Variants in MRC2 observed in about 807,000 individuals in gnomAD.
The protein encoded by MRC2 is mannose receptor C-type 2.
A neutral mutation model predicts 206.2 loss-of-function variants in MRC2; 84 were observed. That is an observed-to-expected ratio of 0.41 (90% confidence interval 0.34 to 0.49). The LOEUF is 0.49. Ranked by LOEUF, MRC2 falls within the 20% of genes least tolerant of loss-of-function variation. The pLI, the probability that MRC2 is intolerant of heterozygous loss-of-function variation, is 0.31. For synonymous variants in MRC2, 798 were observed against 800.0 expected (o/e 1.00, Z 0.04); for missense variants, 1,676 against 2,001.5 (o/e 0.84, Z 3.10).
intron 1 of MRC2, among the ~76,000 whole-genome samples, chr17:62,628,259 C>T (rs1297267796): frequency 2.0e-5 from 3 of 152,194 alleles, no homozygotes; most frequent in African/African-American, 7.2e-5. Flanking sequence ...GGCGCCGGCC[C>T]GTCCTCGGCA....
chr17:62,651,149 T>C (rs150786656), intron 1 of MRC2, among the ~76,000 whole-genome samples: 2 of 152,068 alleles, frequency 1.3e-5, no homozygotes, highest in Non-Finnish European at 2.9e-5. Context: ...AGTAGTGCGA[T>C]CTCGGCTCAC....
chr17:62,664,728 G>A lies in MRC2; in HGVS notation c.299G>A (p.Gly100Asp). 1 of 1,614,006 alleles carries A rather than the reference G, an allele frequency of 6.2e-7. No individual in the cohort carries two copies. Among genetic ancestry groups the A allele is most frequent in the Non-Finnish European group, 8.5e-7 (1 of 1,180,032 alleles). Residue 100 changes from glycine (G) to aspartate (D), a missense_variant, in exon 2 of 30, where the codon GGC (glycine) becomes GAC (aspartate). Physicochemically the swap from Gly to Asp is moderately conservative, Grantham distance 94. Around this residue, in one of 3 missense-constraint regions of MRC2, gnomAD observed 318 missense variants for 346.7 expected, o/e 0.92. Transcript: ENST00000303375. The surrounding 1 kb of genome is among the most constrained non-coding windows in gnomAD (Gnocchi z 4.7). ...CAGTGCCTGGGCACAGGCTGGCCAG[G>A]CACCAACACCACGGCCTCCCTGGGC... ...TMQCLGTGWP[G>D]TNTTASLGMY...
At chr17:62,650,466 G>A (rs1300369040) in intron 1 of MRC2, among the ~76,000 whole-genome samples, 1 of 152,220 alleles carries the variant, frequency 6.6e-6, no homozygotes, top group Non-Finnish European at 1.5e-5. Flanking sequence ...CACACATCCT[G>A]AAGCCAAACA....
rs573635775 is a variant in MRC2 at position 62,675,469 on chromosome 17, T to C, written c.1570-321T>C. Among the ~76,000 whole-genome samples, 5 of 152,302 alleles carry C rather than the reference T, an allele frequency of 3.3e-5. No individual in the cohort carries two copies. The East Asian group carries it at 9.7e-4, about 29-fold the overall frequency. ...AGCCAACAGTAATTTCCCCACTGTG[T>C]CTCTTGGTTTAAATGCCCAAGAGAG... On this transcript the variant is annotated intron_variant, in intron 9 of 29. Coordinates refer to ENST00000303375, the MANE Select transcript of MRC2 (RefSeq NM_006039.5). This position sits in a 1 kb window ranked among gnomAD's most constrained non-coding sequence, Gnocchi z 4.1.
chr17:62,677,350 G>T lies in MRC2; in HGVS notation c.1916G>T (p.Arg639Leu). 6.2e-7 allele frequency: 1 copy of T among 1,609,168 alleles called. No individual in the cohort carries two copies. Among genetic ancestry groups the T allele is most frequent in the Non-Finnish European group, 8.5e-7 (1 of 1,178,476 alleles). Residue 639 changes from arginine to leucine, a missense_variant, in exon 12 of 30, where the codon CGG becomes CTG. Arg to Leu is a moderately radical substitution (Grantham distance 102). Coordinates refer to ENST00000303375, the MANE Select transcript of MRC2 (RefSeq NM_006039.5). ...GAGGTGAAGAACTGTACCTCGTTCC[G>T]GGCCCGCTACATCTGCCGGCAGAGC... Reference protein sequence around the residue: ...LWEVKNCTSFRARYICRQSLG... With the variant: ...LWEVKNCTSFLARYICRQSLG...
At position 62,675,763 on chromosome 17, in the gene MRC2, C is replaced by A. The variant is rs998665257; in HGVS notation, c.1570-27C>A. On this transcript the variant is annotated intron_variant, in intron 9 of 29. Transcript: ENST00000303375. This position sits in a 1 kb window ranked among gnomAD's most constrained non-coding sequence, Gnocchi z 4.1. ...TGGAGAGTCATCTTCCCTACAGACA[C>A]CCCTCTTCTGTCCACTCTTGAGCCA... The A allele has an allele frequency of 1.9e-6, 3 of 1,566,038 alleles. No homozygotes were observed. Among genetic ancestry groups the A allele is most frequent in the Non-Finnish European group, 1.8e-6 (2 of 1,136,484 alleles).
chr17:62,684,014 G>T (rs2089003276), intron 20 of MRC2: 1 of 152,170 alleles, frequency 6.6e-6, no homozygotes, highest in East Asian at 1.9e-4. Context: ...ATTTTGCGTA[G>T]TTCATGAAAG....
rs771603495 is a variant in MRC2, at chr17:62,666,257, C to T, written c.684C>T (p.Cys228=). 1 of 1,579,124 alleles carries T rather than the reference C, an allele frequency of 6.3e-7. No individual in the cohort carries two copies. Among genetic ancestry groups the T allele is most frequent in the East Asian group, 2.3e-5 (1 of 44,430 alleles). The change falls in exon 3 of 30, where the codon TGC becomes TGT. Residue 228 remains cysteine, a synonymous_variant. Transcript: ENST00000303375. This position sits in a 1 kb window ranked among gnomAD's most constrained non-coding sequence, Gnocchi z 5.0. ...DYGKDERWGF[C]PIKSNDCETF... Reference sequence around the variant, plus strand: ...GCAAAGACGAGCGCTGGGGCTTCTGCCCCATCAAGAGTGAGAGCTGTTGGA... The same window carrying T: ...GCAAAGACGAGCGCTGGGGCTTCTGTCCCATCAAGAGTGAGAGCTGTTGGA...
intron 1 of MRC2, among the ~76,000 whole-genome samples, chr17:62,634,656 C>T (rs922994298): frequency 6.6e-6 from 1 of 151,862 alleles, no homozygotes; most frequent in African/African-American, 2.4e-5. Context: ...TTCTATACTG[C>T]GTGCTGTTTT....
chr17:62,683,569 A>G (rs1171326109), intron 20 of MRC2, among the ~76,000 whole-genome samples: 4 of 148,598 alleles, frequency 2.7e-5, no homozygotes, highest in Non-Finnish European at 4.5e-5. Flanking sequence ...TGCTCACTCA[A>G]AAGTGATTAA....
At chr17:62,668,635 T>C (rs2088787939) in intron 6 of MRC2, among the ~76,000 whole-genome samples, 1 of 152,148 alleles carries the variant, frequency 6.6e-6, no homozygotes, top group Non-Finnish European at 1.5e-5. Flanking sequence ...TTAAAGGGCA[T>C]GGTGAAGAAG....
At chr17:62,634,196 G>A (rs1216752996) in intron 1 of MRC2, among the ~76,000 whole-genome samples, 1 of 152,088 alleles carries the variant, frequency 6.6e-6, no homozygotes, top group Non-Finnish European at 1.5e-5. Flanking sequence ...ATTTCTTGAC[G>A]TTGCCATGAC....
At chr17:62,679,677 A>T (rs1460857932) in intron 13 of MRC2, 123 bp from the exon 14 acceptor site, 18 of 787,122 alleles carry the variant, frequency 2.3e-5, no homozygotes, top group Non-Finnish European at 3.7e-5. Flanking sequence ...TGAAGCCCAG[A>T]TGGAGAGGCC....
chr17:62,642,270 A>G (rs536007426), intron 1 of MRC2, among the ~76,000 whole-genome samples: 1 of 152,268 alleles, frequency 6.6e-6, no homozygotes, highest in East Asian at 1.9e-4. Context: ...AACGTCCCAC[A>G]GTCTAAATTT....
intron 1 of MRC2, among the ~76,000 whole-genome samples, chr17:62,645,983 T>A (rs2088478993): frequency 6.6e-6 from 1 of 151,518 alleles, no homozygotes; most frequent in Admixed American, 6.6e-5. Context: ...CCATAACTTA[T>A]CCCCTATTGG....
In MRC2 at chr17:62,678,650, C is replaced by G; in HGVS notation, c.2195+4C>G. On this transcript the variant is annotated splice_donor_region_variant and intron_variant, in intron 13 of 29. Coordinates refer to ENST00000303375, the MANE Select transcript of MRC2 (RefSeq NM_006039.5). Reference sequence around the variant, plus strand: ...ACATGCTCAACAAGATCTTCGGGTACTGAGCCGGGCTGAGGCGTGTTAGGA... The same window carrying G: ...ACATGCTCAACAAGATCTTCGGGTAGTGAGCCGGGCTGAGGCGTGTTAGGA... 1 of 1,609,572 alleles carries G rather than the reference C, an allele frequency of 6.2e-7. No homozygotes were observed. Among genetic ancestry groups the G allele is most frequent in the Non-Finnish European group, 8.5e-7 (1 of 1,178,240 alleles).
Position 62,666,978 on chromosome 17 carries a change from G to A in MRC2, c.973+108G>A, listed in dbSNP as rs1016184594. 1.2e-6 allele frequency: 1 copy of A among 858,364 alleles called. No homozygotes were observed. Among genetic ancestry groups the A allele is most frequent in the African/African-American group, 1.7e-5 (1 of 60,038 alleles). 53.2% of individuals were successfully genotyped at this position (858,364 alleles called of 1,614,324 possible). A position where few individuals can be genotyped will look rare whatever the true frequency, so the allele number is the denominator to read the frequency against. ...TCCTGCAGAGGGGCAGTGTGGGTAGGGGAAGCACCGACCTCCACCCCCCTC... is the reference window on the plus strand; with the variant it reads ...TCCTGCAGAGGGGCAGTGTGGGTAGAGGAAGCACCGACCTCCACCCCCCTC... On this transcript the variant is annotated intron_variant, in intron 5 of 29. Transcript: ENST00000303375. This position sits in a 1 kb window ranked among gnomAD's most constrained non-coding sequence, Gnocchi z 5.0.
intron 1 of MRC2, among the ~76,000 whole-genome samples, chr17:62,646,385 C>G (rs952430541): frequency 6.6e-6 from 1 of 152,126 alleles, no homozygotes; most frequent in Non-Finnish European, 1.5e-5. Flanking sequence ...GTCTTGAACT[C>G]CTGGGCTCAA....
intron 1 of MRC2, among the ~76,000 whole-genome samples, chr17:62,656,505 T>C (rs1295399838): frequency 6.6e-6 from 1 of 152,238 alleles, no homozygotes; most frequent in Admixed American, 6.5e-5. Flanking sequence ...GGTTCATTTT[T>C]AATTTCCCTT....
Sources: gnomAD v4.1 joint callset for allele counts (sites outside exome capture counted in the v4.1 genomes callset) on GRCh38, gnomAD v4.1.1 for gene constraint, gnomAD v4.1.1 regional missense constraint, Gnocchi (gnomAD v3.1) non-coding constraint, MANE v1.5 for transcripts, NCBI Gene and HGNC (gene_info 2026-07-23, HGNC 2026-07-21) for gene names.